CDH13: variants seen among roughly 807,000 people sequenced by gnomAD.
CDH13 encodes cadherin-13.
A neutral mutation model predicts 63.8 loss-of-function variants in CDH13; 24 were observed. That is an observed-to-expected ratio of 0.38 (90% CI 0.27 to 0.53). The LOEUF is 0.53. Among genes scored for constraint, CDH13 ranks in the 20% least tolerant of loss-of-function variants. CDH13 has a pLI of 0.85. For missense variants in CDH13, 1,049 were observed against 903.1 expected (o/e 1.16, Z -2.07); for synonymous variants, 503 against 355.3 (o/e 1.42, Z -4.67).
At chr16:82,742,303 C>T (rs950154821) in intron 1 of CDH13, among the ~76,000 whole-genome samples, 2 of 152,076 alleles carry the variant, frequency 1.3e-5, no homozygotes, top group African/African-American at 4.8e-5. Context: ...ACAGGATGAT[C>T]TTATTTTTAT....
At chr16:83,125,332 GA>G (rs2035762725) in intron 3 of CDH13, 52 bp from the exon 4 acceptor site, 1 of 967,106 alleles carries the variant, frequency 1.0e-6, no homozygotes, top group Non-Finnish European at 1.7e-6. Context: ...GGAGCAGACT[GA>G]TACATCATTT....
At chr16:83,066,251 G>T (rs376703826) in intron 3 of CDH13, among the ~76,000 whole-genome samples, 1 of 152,220 alleles carries the variant, frequency 6.6e-6, no homozygotes, top group African/African-American at 2.4e-5. Flanking sequence ...AGGGGAATCA[G>T]TTTCTCAATT....
chr16:82,914,074 C>G (rs1452502024), intron 2 of CDH13, among the ~76,000 whole-genome samples: 1 of 152,024 alleles, frequency 6.6e-6, no homozygotes, highest in Non-Finnish European at 1.5e-5. Context: ...GCATGGAGCT[C>G]TGAGGAAGGG....
chr16:83,446,340 T>G (rs1286934418), intron 6 of CDH13, among the ~76,000 whole-genome samples: 5 of 151,322 alleles, frequency 3.3e-5, no homozygotes, highest in African/African-American at 1.2e-4. Flanking sequence ...AAGAAAAAAT[T>G]AGAAAGTACC....
chr16:83,732,947 T>C (rs1018959553), intron 10 of CDH13, among the ~76,000 whole-genome samples: 1 of 152,202 alleles, frequency 6.6e-6, no homozygotes, highest in African/African-American at 2.4e-5. Flanking sequence ...ATGAGGCCAC[T>C]CACTGCCTAC....
chr16:83,646,807 A>T (rs922386925), intron 8 of CDH13, among the ~76,000 whole-genome samples: 11 of 151,008 alleles, frequency 7.3e-5, no homozygotes, highest in Non-Finnish European at 1.2e-4. Flanking sequence ...AGCCTGTTCC[A>T]GTAACCGCAG....
At chr16:82,977,212 T>G (rs1449818115) in intron 2 of CDH13, among the ~76,000 whole-genome samples, 1 of 152,160 alleles carries the variant, frequency 6.6e-6, no homozygotes, top group African/African-American at 2.4e-5. Context: ...AGTTCCAGCA[T>G]GGACCCAGTG....
chr16:83,574,504 A>G (rs1040763012), intron 7 of CDH13, among the ~76,000 whole-genome samples: 1 of 152,144 alleles, frequency 6.6e-6, no homozygotes, highest in Non-Finnish European at 1.5e-5. Context: ...TAGGTGTGTC[A>G]CTTACAGTTG....
At chr16:83,546,205 A>G (rs2075383195) in intron 7 of CDH13, among the ~76,000 whole-genome samples, 1 of 148,538 alleles carries the variant, frequency 6.7e-6, no homozygotes, top group Non-Finnish European at 1.5e-5. Context: ...AGAGCGTGGG[A>G]CGTCTTGGTA....
At chr16:82,888,124 T>G (rs189096870) in intron 2 of CDH13, among the ~76,000 whole-genome samples, 14 of 152,222 alleles carry the variant, frequency 9.2e-5, no homozygotes, top group Admixed American at 8.5e-4. Context: ...AGATCCAAGT[T>G]CCAAAAAGCA....
At chr16:82,662,653 T>C (rs1912094784) in intron 1 of CDH13, among the ~76,000 whole-genome samples, 1 of 152,224 alleles carries the variant, frequency 6.6e-6, no homozygotes, top group Non-Finnish European at 1.5e-5. Flanking sequence ...ACAAATGCGC[T>C]TTATAATTAT....
intron 8 of CDH13, among the ~76,000 whole-genome samples, chr16:83,603,107 G>A (rs1264736158): frequency 2.0e-5 from 3 of 152,138 alleles, no homozygotes; most frequent in African/African-American, 7.2e-5. Flanking sequence ...TTATGATTAT[G>A]GATCATGGTT....
chr16:83,278,944 T>C (rs920497592), intron 5 of CDH13, among the ~76,000 whole-genome samples: 5 of 152,182 alleles, frequency 3.3e-5, no homozygotes, highest in African/African-American at 9.7e-5. Context: ...TAAGCCTGGA[T>C]AGAAATACAG....
chr16:83,629,821 A>T (rs16961092), intron 8 of CDH13, among the ~76,000 whole-genome samples: 22,113 of 152,236 alleles, frequency 0.15, 1,771 homozygotes, highest in East Asian at 0.27. Context: ...CCATCAATGT[A>T]GAAGATTGAC....
intron 6 of CDH13, among the ~76,000 whole-genome samples, chr16:83,356,780 G>C (rs2091065177): frequency 6.6e-6 from 1 of 152,122 alleles, no homozygotes; most frequent in Non-Finnish European, 1.5e-5. Flanking sequence ...TAAAATATAG[G>C]TCATGAATTG....
At chr16:82,747,655 G>T (rs1018207036) in intron 1 of CDH13, among the ~76,000 whole-genome samples, 26 of 152,286 alleles carry the variant, frequency 1.7e-4, no homozygotes, top group Non-Finnish European at 2.8e-4. Flanking sequence ...CTGCTTTAAT[G>T]CTTACGAGAG....
chr16:82,795,233 A>G (rs982221211), intron 1 of CDH13, among the ~76,000 whole-genome samples: 1 of 152,120 alleles, frequency 6.6e-6, no homozygotes, highest in Non-Finnish European at 1.5e-5. Context: ...GGAATGAATA[A>G]TTTTCCAATG....
At chr16:83,389,876 G>C (rs2151427724) in intron 6 of CDH13, among the ~76,000 whole-genome samples, 1 of 152,332 alleles carries the variant, frequency 6.6e-6, no homozygotes, top group Non-Finnish European at 1.5e-5. Flanking sequence ...ACATTGCCCT[G>C]TGCATCTGCA....
At chr16:83,021,740 A>C (rs1362679782) in intron 2 of CDH13, among the ~76,000 whole-genome samples, 1 of 152,220 alleles carries the variant, frequency 6.6e-6, no homozygotes, top group Non-Finnish European at 1.5e-5. Flanking sequence ...AAGCCTTTGG[A>C]AGTGAAATTC....
Sources: allele counts gnomAD v4.1 joint callset (sites outside exome capture counted in the v4.1 genomes callset), GRCh38; gene constraint gnomAD v4.1.1; transcripts MANE v1.5; gene names NCBI Gene and HGNC (gene_info 2026-07-23, HGNC 2026-07-21).